IMMP2L: variants seen among roughly 807,000 people sequenced by gnomAD.
IMMP2L encodes the protein inner mitochondrial membrane peptidase subunit 2.
Under a neutral mutation model 19.3 loss-of-function variants are expected in IMMP2L, and 18 were observed. The observed-to-expected ratio is 0.93, with a 90% CI of 0.64 to 1.38. IMMP2L has a LOEUF of 1.38. IMMP2L is among the 40% of genes most tolerant of loss of function. IMMP2L has a pLI of 0.00. For missense variants in IMMP2L, 233 were observed against 218.2 expected, an observed-to-expected ratio of 1.07 and a Z score of -0.43; for synonymous variants, 76 against 73.0, an observed-to-expected ratio of 1.04 and a Z score of -0.21.
At chr7:110,876,871 A>C in intron 5 of IMMP2L, among the ~76,000 whole-genome samples, 1 of 152,154 alleles carries the variant, frequency 6.6e-6, no homozygotes, top group East Asian at 1.9e-4. Flanking sequence ...ACGGCTTTTT[A>C]GTCCCTTCTA....
intron 3 of IMMP2L, among the ~76,000 whole-genome samples, chr7:111,358,786 G>A (rs1252862432): frequency 6.6e-6 from 1 of 152,094 alleles, no homozygotes; most frequent in Admixed American, 6.6e-5. Context: ...GGAGACAACT[G>A]GAAATGGGAG....
At chr7:111,295,823 A>G (rs556997995) in intron 3 of IMMP2L, among the ~76,000 whole-genome samples, 2 of 151,784 alleles carry the variant, frequency 1.3e-5, no homozygotes, top group East Asian at 3.9e-4. Context: ...CAAAGTAACA[A>G]TCACTTGGAG....
chr7:111,020,683 G>T (rs1410522836), intron 3 of IMMP2L, among the ~76,000 whole-genome samples: 1 of 151,928 alleles, frequency 6.6e-6, no homozygotes, highest in Admixed American at 6.6e-5. Context: ...GATCACTTGA[G>T]CCCAGAAGGG....
intron 3 of IMMP2L, among the ~76,000 whole-genome samples, chr7:111,059,019 G>T (rs564666564): frequency 6.6e-6 from 1 of 151,434 alleles, no homozygotes; most frequent in African/African-American, 2.4e-5. Context: ...GTCTTGCACT[G>T]TCGCTGCGGC....
chr7:111,059,475 A>G lies in IMMP2L; in HGVS notation c.240-95910T>C, dbSNP rs28415597. The stretch of plus-strand genomic sequence containing the variant: ...AGCATTTTCCCCTCTATAGCAAGTG[A>G]CAAAAGCCTGTAGTTCTCTAAAATA... On this transcript the variant is annotated intron_variant, in intron 3 of 5. Transcript: ENST00000405709. 9.7e-3 allele frequency among the ~76,000 whole-genome samples: 1,475 copies of G among 152,294 alleles called. 24 individuals carry two copies. The highest frequency in any genetic ancestry group is 0.033 in the African/African-American group (1,370 of 41,554).
chr7:110,944,748 G>A (rs574505455), intron 4 of IMMP2L, among the ~76,000 whole-genome samples: 2 of 151,972 alleles, frequency 1.3e-5, no homozygotes, highest in African/African-American at 4.8e-5. Flanking sequence ...TAATTCCAGA[G>A]ACAGTTTACT....
intron 3 of IMMP2L, among the ~76,000 whole-genome samples, chr7:111,334,117 A>G (rs887352182): frequency 6.6e-6 from 1 of 152,032 alleles, no homozygotes; most frequent in African/African-American, 2.4e-5. Flanking sequence ...GATGTAAAAT[A>G]TACATATGTA....
At chr7:110,884,742 C>G (rs1039728151) in intron 5 of IMMP2L, among the ~76,000 whole-genome samples, 1 of 151,906 alleles carries the variant, frequency 6.6e-6, no homozygotes, top group Non-Finnish European at 1.5e-5. Flanking sequence ...TAAAACATTT[C>G]CAATCTGTTT....
At chr7:110,748,261 T>G (rs911297975) in intron 5 of IMMP2L, among the ~76,000 whole-genome samples, 5 of 152,144 alleles carry the variant, frequency 3.3e-5, no homozygotes, top group Non-Finnish European at 5.9e-5. Context: ...CACAAACAAA[T>G]GGAAGAACAT....
At chr7:111,179,638 T>C (rs1051554103) in intron 3 of IMMP2L, among the ~76,000 whole-genome samples, 2 of 152,054 alleles carry the variant, frequency 1.3e-5, no homozygotes, top group Non-Finnish European at 2.9e-5. Flanking sequence ...ATCAGCTACA[T>C]TCGCTCCTAA....
intron 3 of IMMP2L, among the ~76,000 whole-genome samples, chr7:111,465,602 A>G (rs1840572421): frequency 6.6e-6 from 1 of 152,004 alleles, no homozygotes; most frequent in African/African-American, 2.4e-5. Flanking sequence ...CATCAGAGAA[A>G]TGCAAATCAA....
intron 3 of IMMP2L, among the ~76,000 whole-genome samples, chr7:111,077,746 T>C (rs1025760569): frequency 3.9e-5 from 6 of 152,286 alleles, no homozygotes; most frequent in African/African-American, 1.4e-4. Context: ...TAAAATATAA[T>C]TCCTTTCCAT....
intron 2 of IMMP2L, among the ~76,000 whole-genome samples, chr7:111,497,450 G>T (rs908046540): frequency 3.3e-5 from 5 of 152,074 alleles, no homozygotes; most frequent in African/African-American, 1.2e-4. Context: ...CCTTGGTTTA[G>T]CAATGGTTAA....
intron 5 of IMMP2L, among the ~76,000 whole-genome samples, chr7:110,867,887 G>T (rs927413156): frequency 2.6e-5 from 4 of 151,922 alleles, no homozygotes; most frequent in African/African-American, 9.7e-5. Flanking sequence ...TCACATGGAG[G>T]TTTCTGATGC....
intron 3 of IMMP2L, among the ~76,000 whole-genome samples, chr7:111,268,615 C>A (rs1183074643): frequency 5.6e-4 from 28 of 50,098 alleles, no homozygotes; most frequent in African/African-American, 2.3e-3. Flanking sequence ...TTTTTTGAGA[C>A]CAAGTCTTGC....
chr7:111,226,722 T>C (rs1401251956), intron 3 of IMMP2L, among the ~76,000 whole-genome samples: 1 of 152,080 alleles, frequency 6.6e-6, no homozygotes, highest in Non-Finnish European at 1.5e-5. Context: ...CTGGCAACAA[T>C]AACAACAAAA....
At chr7:110,904,132 G>A (rs973062065) in intron 4 of IMMP2L, among the ~76,000 whole-genome samples, 40 of 151,916 alleles carry the variant, frequency 2.6e-4, no homozygotes, top group African/African-American at 7.7e-4. Context: ...GACTAACCCC[G>A]CATTTGTGGT....
intron 3 of IMMP2L, among the ~76,000 whole-genome samples, chr7:111,295,287 C>T (rs540979502): frequency 2.0e-5 from 3 of 151,764 alleles, no homozygotes; most frequent in South Asian, 2.1e-4. Flanking sequence ...CCTGAGGTCC[C>T]CAATGCAGTA....
At chr7:111,436,303 C>A (rs2131734751) in intron 3 of IMMP2L, among the ~76,000 whole-genome samples, 1 of 151,404 alleles carries the variant, frequency 6.6e-6, no homozygotes, top group East Asian at 1.9e-4. Context: ...AACCAACAGG[C>A]AACATGGAAA....
Sources: allele counts gnomAD v4.1 joint callset (sites outside exome capture counted in the v4.1 genomes callset), GRCh38; gene constraint gnomAD v4.1.1; transcripts MANE v1.5; gene names NCBI Gene and HGNC (gene_info 2026-07-23, HGNC 2026-07-21).